The following SND1 variants were observed in gnomAD, a reference collection of about 807,000 sequenced individuals.
The protein encoded by SND1 is staphylococcal nuclease domain-containing protein 1.
Under a neutral mutation model 121.7 loss-of-function variants are expected in SND1, and 38 were observed. That is an observed-to-expected ratio of 0.31 (90% CI 0.24 to 0.41). The LOEUF (loss-of-function observed/expected upper bound fraction) is 0.41. Ranked by LOEUF, SND1 falls within the 10% of genes least tolerant of loss-of-function variation. The probability of loss-of-function intolerance (pLI) is 1.00; values close to 1 mark genes in which losing one functional copy is unlikely to be tolerated. For missense variants in SND1, 868 were observed against 1,184.6 expected, an observed-to-expected ratio of 0.73 and a Z score of 3.92; for synonymous variants, 401 against 447.4, an observed-to-expected ratio of 0.90 and a Z score of 1.31.
intron 14 of SND1, among the ~76,000 whole-genome samples, chr7:127,913,775 C>T (rs1800509937): frequency 6.6e-6 from 1 of 152,194 alleles, no homozygotes; most frequent in Non-Finnish European, 1.5e-5. Context: ...GATTCACTCT[C>T]CACTTTACCA....
intron 10 of SND1, among the ~76,000 whole-genome samples, chr7:127,801,587 G>T (rs1798128313): frequency 6.6e-6 from 1 of 152,116 alleles, no homozygotes; most frequent in African/African-American, 2.4e-5. Context: ...TCCATGGCAT[G>T]GACATTGCTT....
chr7:127,863,919 G>T lies in SND1; in HGVS notation c.1343+19495G>T, dbSNP rs151271225. On this transcript the variant is annotated intron_variant, in intron 12 of 23. Coordinates refer to ENST00000354725, the MANE Select transcript of SND1 (RefSeq NM_014390.4). ...TTTGCCTGCCCCTGTCCTAGGTTAT[G>T]TTGTGGAGATAGGAATATACGATAT... Among the ~76,000 whole-genome samples the T allele has an allele frequency of 1.3e-4, 20 of 152,270 alleles. No individual in the cohort carries two copies. In the East Asian group the frequency reaches 3.9e-3, roughly 29 times the overall value.
chr7:127,810,854 G>C (rs1034663038), intron 11 of SND1, among the ~76,000 whole-genome samples: 1 of 152,254 alleles, frequency 6.6e-6, no homozygotes, highest in African/African-American at 2.4e-5. Context: ...TATAGCTCTT[G>C]TCCCTTAATT....
chr7:127,826,078 C>G (rs956494692), intron 11 of SND1, among the ~76,000 whole-genome samples: 3 of 152,112 alleles, frequency 2.0e-5, no homozygotes, highest in African/African-American at 4.8e-5. Context: ...ATAATCCCAG[C>G]TACTTGGGAG....
intron 16 of SND1, among the ~76,000 whole-genome samples, chr7:128,020,617 T>C (rs1284933830): frequency 7.9e-5 from 12 of 152,232 alleles, no homozygotes; most frequent in African/African-American, 2.9e-4. Flanking sequence ...TCTGTCTCAG[T>C]GTCAATTGTC....
At chr7:128,088,642 AG>A (rs963986334) in intron 21 of SND1, among the ~76,000 whole-genome samples, 7 of 151,728 alleles carry the variant, frequency 4.6e-5, no homozygotes, top group Non-Finnish European at 7.4e-5. Context: ...CAGTAGAGAC[AG>A]GGTTTCACCA....
chr7:127,654,248 C>T (rs1795173649), intron 1 of SND1, among the ~76,000 whole-genome samples: 1 of 152,232 alleles, frequency 6.6e-6, no homozygotes. Context: ...TGTTTATTGT[C>T]ATGTCTTGTG....
chr7:127,661,887 G>A (rs2116236153), intron 1 of SND1, among the ~76,000 whole-genome samples: 1 of 152,146 alleles, frequency 6.6e-6, no homozygotes, highest in South Asian at 2.1e-4. Context: ...AAGCCGAGGT[G>A]GGTAGATCAC....
intron 12 of SND1, among the ~76,000 whole-genome samples, chr7:127,886,124 G>A (rs1389264319): frequency 1.3e-5 from 2 of 152,068 alleles, no homozygotes; most frequent in Non-Finnish European, 2.9e-5. Flanking sequence ...GAGACAGGGT[G>A]GCCAGCAAAG....
intron 16 of SND1, among the ~76,000 whole-genome samples, chr7:128,037,745 C>A (rs957950156): frequency 3.3e-5 from 5 of 152,140 alleles, no homozygotes; most frequent in Non-Finnish European, 5.9e-5. Context: ...GAGAGAGTCT[C>A]TCAATCAGGA....
intron 1 of SND1, among the ~76,000 whole-genome samples, chr7:127,666,768 AT>A (rs1237634078): frequency 2.6e-5 from 4 of 152,164 alleles, no homozygotes; most frequent in Non-Finnish European, 5.9e-5. Flanking sequence ...TGCCTGTTAA[AT>A]ATCTTGATGT....
intron 16 of SND1, among the ~76,000 whole-genome samples, chr7:128,032,724 A>G (rs1253416384): frequency 2.0e-5 from 3 of 150,644 alleles, no homozygotes; most frequent in African/African-American, 7.3e-5. Flanking sequence ...GACTCGGGGG[A>G]CGGCGGCCGG....
At chr7:127,709,997 T>C (rs976044885) in intron 9 of SND1, among the ~76,000 whole-genome samples, 4 of 152,164 alleles carry the variant, frequency 2.6e-5, no homozygotes, top group Non-Finnish European at 5.9e-5. Flanking sequence ...TAATTTTTTT[T>C]TTTTTTAACA....
chr7:127,966,139 TTCTC>T (rs1801846903), intron 15 of SND1, among the ~76,000 whole-genome samples: 1 of 150,932 alleles, frequency 6.6e-6, no homozygotes, highest in East Asian at 1.9e-4. Context: ...TATTTGATTC[TTCTC>T]TCTTTTTTTC....
In SND1 at chr7:127,711,341, A is replaced by G. The variant is rs147300345; in HGVS notation, c.1038+3694A>G. Among the ~76,000 whole-genome samples the G allele has an allele frequency of 7.2e-5, 11 of 152,320 alleles. No individual in the cohort carries two copies. The East Asian group carries it at 2.1e-3, about 29-fold the overall frequency. ...CTGAGACCTTTCATGTCCATTCTCT[A>G]CATACACTTGATAGTTTAGCTGGAT... On this transcript the variant is annotated intron_variant, in intron 9 of 23. Transcript: ENST00000354725.
chr7:128,057,381 A>G (rs1793160431), intron 16 of SND1, among the ~76,000 whole-genome samples: 2 of 152,226 alleles, frequency 1.3e-5, no homozygotes, highest in African/African-American at 4.8e-5. Flanking sequence ...CTGGTAATAT[A>G]GACCAAAAAC....
intron 15 of SND1, among the ~76,000 whole-genome samples, chr7:127,974,428 C>T (rs1027013292): frequency 6.6e-6 from 1 of 152,156 alleles, no homozygotes; most frequent in Non-Finnish European, 1.5e-5. Flanking sequence ...GACAGAGTTG[C>T]TTGCTGGGGG....
chr7:128,060,075 T>G (rs564538848), intron 16 of SND1, among the ~76,000 whole-genome samples: 1 of 152,166 alleles, frequency 6.6e-6, no homozygotes, highest in African/African-American at 2.4e-5. Context: ...ACAAAAATAG[T>G]GGGTGTGGGT....
At chr7:127,749,899 G>A (rs933944128) in intron 10 of SND1, among the ~76,000 whole-genome samples, 11 of 152,258 alleles carry the variant, frequency 7.2e-5, no homozygotes, top group African/African-American at 1.7e-4. Context: ...TTGAGGCCAG[G>A]AATTCTAGAC....
Sources: allele counts gnomAD v4.1 joint callset (sites outside exome capture counted in the v4.1 genomes callset), GRCh38; gene constraint gnomAD v4.1.1; transcripts MANE v1.5; gene names NCBI Gene and HGNC (gene_info 2026-07-23, HGNC 2026-07-21).